DPP10: variants seen among roughly 807,000 people sequenced by gnomAD.
DPP10 encodes the protein inactive dipeptidyl peptidase 10.
In DPP10, 33 loss-of-function variants were observed where a neutral mutation model predicts 120.9. That is an observed-to-expected ratio of 0.27 (90% CI 0.21 to 0.37). The LOEUF (loss-of-function observed/expected upper bound fraction) is 0.37, where lower values mean the gene tolerates loss of function less well. Among genes scored for constraint, DPP10 ranks in the 10% least tolerant of loss-of-function variants. The probability of loss-of-function intolerance (pLI) is 1.00; values close to 1 mark genes in which losing one functional copy is unlikely to be tolerated. For missense variants in DPP10, 816 were observed against 942.8 expected, an observed-to-expected ratio of 0.87 and a Z score of 1.76; for synonymous variants, 337 against 326.1, an observed-to-expected ratio of 1.03 and a Z score of -0.36.
rs565415530 is a variant in DPP10, at chr2:114,717,344, C to T, written c.60+274506C>T. Among the ~76,000 whole-genome samples, 3 of 152,168 alleles carry T rather than the reference C, an allele frequency of 2.0e-5. No individual in the cohort carries two copies. The South Asian group carries it at 6.2e-4, about 32-fold the overall frequency. ...AAAAGACTCTCACTTAGACACAGAGCATCTACTTGTCAAAAGCATTTTGCT... is the reference window on the plus strand; with the variant it reads ...AAAAGACTCTCACTTAGACACAGAGTATCTACTTGTCAAAAGCATTTTGCT... On this transcript the variant is annotated intron_variant, in intron 1 of 25. Transcript: ENST00000410059.
chr2:114,451,082 GC>G (rs1290016164), intron 1 of DPP10, among the ~76,000 whole-genome samples: 3 of 149,958 alleles, frequency 2.0e-5, no homozygotes, highest in African/African-American at 4.9e-5. Flanking sequence ...TTAAAGATCG[GC>G]CCTTTATTTG....
chr2:114,585,087 G>T (rs1395159933), intron 1 of DPP10, among the ~76,000 whole-genome samples: 1 of 152,190 alleles, frequency 6.6e-6, no homozygotes, highest in Non-Finnish European at 1.5e-5. Flanking sequence ...AGTGCCGCAG[G>T]TTAGAATTTT....
intron 1 of DPP10, among the ~76,000 whole-genome samples, chr2:114,900,339 C>A (rs944937598): frequency 1.3e-5 from 2 of 152,166 alleles, no homozygotes; most frequent in African/African-American, 4.8e-5. Context: ...TAGAAGTATA[C>A]AATTTATATT....
intron 1 of DPP10, among the ~76,000 whole-genome samples, chr2:114,939,458 G>A (rs1231188098): frequency 2.6e-5 from 4 of 151,840 alleles, no homozygotes; most frequent in Non-Finnish European, 5.9e-5. Context: ...CCTGACACCT[G>A]TTTCACATTG....
chr2:114,834,751 A>AT lies in DPP10; in HGVS notation c.60+391913_60+391914insT, dbSNP rs1353571755. On this transcript the variant is annotated intron_variant, in intron 1 of 25. Coordinates refer to ENST00000410059, the MANE Select transcript of DPP10 (RefSeq NM_020868.6). Reference sequence around the variant, plus strand: ...CATGTCTACGCACCTATGTATATATAAGCCATGTCTACGCACCTATGTATA... The same window carrying AT: ...CATGTCTACGCACCTATGTATATATATAGCCATGTCTACGCACCTATGTATA... 1.1e-4 allele frequency among the ~76,000 whole-genome samples: 16 copies of AT among 142,592 alleles called. 1 individual carries two copies. The highest frequency in any genetic ancestry group is 2.1e-4 in the Admixed American group (3 of 14,152). The allele number at this position is 142,592 out of a possible 152,430, so 93.5% of individuals were successfully genotyped here. A position where few individuals can be genotyped will look rare whatever the true frequency, so the allele number is the denominator to read the frequency against.
chr2:115,747,514 C>T (rs1678133011), intron 10 of DPP10, among the ~76,000 whole-genome samples: 1 of 151,780 alleles, frequency 6.6e-6, no homozygotes. Context: ...ACTAGGAGTG[C>T]TTGAGTCACA....
At chr2:114,480,548 TC>T (rs1432554569) in intron 1 of DPP10, among the ~76,000 whole-genome samples, 21 of 152,124 alleles carry the variant, frequency 1.4e-4, no homozygotes, top group Admixed American at 1.0e-3. Flanking sequence ...TGAGTTCATG[TC>T]CTTTGTAGGA....
chr2:114,751,002 G>A (rs1357242566), intron 1 of DPP10, among the ~76,000 whole-genome samples: 2 of 152,192 alleles, frequency 1.3e-5, no homozygotes, highest in Non-Finnish European at 2.9e-5. Flanking sequence ...ATACAGAGCT[G>A]CATCTAAGTC....
intron 1 of DPP10, among the ~76,000 whole-genome samples, chr2:114,757,317 A>C (rs1046382708): frequency 2.9e-5 from 4 of 137,338 alleles, no homozygotes; most frequent in African/African-American, 1.1e-4. Flanking sequence ...GGAAGGGAGA[A>C]AGGAGGGAAG....
At chr2:115,586,555 C>T (rs746648394) in intron 5 of DPP10, among the ~76,000 whole-genome samples, 6 of 152,162 alleles carry the variant, frequency 3.9e-5, no homozygotes, top group Non-Finnish European at 8.8e-5. Flanking sequence ...TTCTGTATTT[C>T]ATTCCCAACA....
intron 13 of DPP10, among the ~76,000 whole-genome samples, chr2:115,776,139 T>C (rs963891994): frequency 6.6e-6 from 1 of 151,908 alleles, no homozygotes; most frequent in Non-Finnish European, 1.5e-5. Flanking sequence ...GAGATAACAG[T>C]TGTTTTTGTT....
intron 1 of DPP10, among the ~76,000 whole-genome samples, chr2:114,458,356 T>A (rs1041404291): frequency 1.1e-4 from 17 of 152,204 alleles, no homozygotes; most frequent in African/African-American, 4.1e-4. Context: ...AATCACAACT[T>A]GACCACTCAT....
chr2:114,602,564 A>T (rs768569423), intron 1 of DPP10, among the ~76,000 whole-genome samples: 1 of 151,876 alleles, frequency 6.6e-6, no homozygotes, highest in Non-Finnish European at 1.5e-5. Flanking sequence ...CTCTCAACCT[A>T]TATCTGTGAA....
chr2:115,362,414 C>G (rs1467517734), intron 3 of DPP10, among the ~76,000 whole-genome samples: 1 of 152,052 alleles, frequency 6.6e-6, no homozygotes, highest in African/African-American at 2.4e-5. Context: ...AAATAGGTGA[C>G]TTGTTCAAGA....
At chr2:115,834,882 C>T (rs1559219244) in intron 21 of DPP10, among the ~76,000 whole-genome samples, 2 of 152,054 alleles carry the variant, frequency 1.3e-5, no homozygotes, top group East Asian at 1.9e-4. Context: ...GTCAGGAGAT[C>T]GAGACCATCC....
intron 1 of DPP10, among the ~76,000 whole-genome samples, chr2:115,242,483 A>C (rs997765813): frequency 1.3e-5 from 2 of 152,154 alleles, no homozygotes; most frequent in African/African-American, 4.8e-5. Flanking sequence ...GTGTGCAAGT[A>C]TCTTTTTTGT....
At chr2:114,747,007 C>T (rs1678641976) in intron 1 of DPP10, among the ~76,000 whole-genome samples, 1 of 152,192 alleles carries the variant, frequency 6.6e-6, no homozygotes, top group African/African-American at 2.4e-5. Context: ...TATGTGTATA[C>T]ATTCTTAGAA....
At chr2:115,657,819 A>G (rs1575456115) in intron 5 of DPP10, among the ~76,000 whole-genome samples, 3 of 151,950 alleles carry the variant, frequency 2.0e-5, no homozygotes, top group Admixed American at 1.3e-4. Context: ...AATAAAAACC[A>G]TTACAAAATT....
intron 19 of DPP10, among the ~76,000 whole-genome samples, chr2:115,800,610 G>A (rs1478053295): frequency 2.6e-5 from 4 of 151,970 alleles, no homozygotes; most frequent in Admixed American, 2.0e-4. Flanking sequence ...ATTAATTTTT[G>A]TATAAGGTGT....
Sources: gnomAD v4.1 joint callset for allele counts (sites outside exome capture counted in the v4.1 genomes callset) on GRCh38, gnomAD v4.1.1 for gene constraint, MANE v1.5 for transcripts, NCBI Gene and HGNC (gene_info 2026-07-23, HGNC 2026-07-21) for gene names.